The following NGFR variants were observed in gnomAD, a reference collection of about 807,000 sequenced individuals.
NGFR encodes the protein tumor necrosis factor receptor superfamily member 16.
In NGFR, 30 loss-of-function variants were observed where a neutral mutation model predicts 43.2. The observed-to-expected ratio is 0.69, with a 90% confidence interval of 0.52 to 0.94. The LOEUF is 0.94. NGFR is among the 40% of genes least tolerant of loss of function. The probability of loss-of-function intolerance (pLI) is 0.00; values close to 1 mark genes in which losing one functional copy is unlikely to be tolerated. For missense variants in NGFR, 529 were observed against 602.5 expected (o/e 0.88, Z 1.28); for synonymous variants, 246 against 259.6 (o/e 0.95, Z 0.50).
rs565214824 is a variant in NGFR at position 49,506,544 on chromosome 17, G to C, written c.454G>C (p.Gly152Arg). 1 of 1,611,654 alleles carries C rather than the reference G, an allele frequency of 6.2e-7. No homozygotes were observed. The highest frequency in any genetic ancestry group is 1.7e-5 in the Admixed American group (1 of 59,950). ...QNTVCEECPD[G>R]TYSDEANHVD... ...CACCGTGTGCGAGGAGTGCCCCGACGGCACGTATTCCGACGAGGCCAACCA... is the reference window on the plus strand; with the variant it reads ...CACCGTGTGCGAGGAGTGCCCCGACCGCACGTATTCCGACGAGGCCAACCA... Residue 152 changes from glycine to arginine, a missense_variant, in exon 3 of 6, where the codon GGC becomes CGC. By Grantham distance (125) the Gly-to-Arg change is moderately radical (BLOSUM62 -2). Transcript: ENST00000172229.
intron 1 of NGFR, 63 bp from the exon 2 acceptor site, chr17:49,502,000 A>AGGCCCCCCCACCC: frequency 3.8e-6 from 1 of 264,886 alleles, no homozygotes; most frequent in Non-Finnish European, 7.9e-6. Context: ...CCCCGGAAGA[A>AGGCCCCCCCACCC]CCCCCCCCAA....
chr17:49,499,449 C>G (rs1282616814), intron 1 of NGFR, among the ~76,000 whole-genome samples: 1 of 152,182 alleles, frequency 6.6e-6, no homozygotes, highest in Non-Finnish European at 1.5e-5. Context: ...GTCATCATTA[C>G]CTAATTATGA....
In NGFR at chr17:49,506,438, T is replaced by C. The variant is rs774079802; in HGVS notation, c.348T>C (p.Asp116=). 6.2e-6 allele frequency: 10 copies of C among 1,607,402 alleles called. No homozygotes were observed. The highest frequency in any genetic ancestry group is 8.5e-6 in the Non-Finnish European group (10 of 1,178,752). The change falls in exon 3 of 6, where the codon GAT becomes GAC. Residue 116 remains aspartate, a synonymous_variant. Transcript: ENST00000172229. ...VCRCAYGYYQ[D]ETTGRCEACR... ...GCTGCGCCTACGGCTACTACCAGGA[T>C]GAGACGACTGGGCGCTGCGAGGCGT...
chr17:49,512,716 G>A lies in NGFR; in HGVS notation c.991G>A (p.Gly331Ser), dbSNP rs770617145. Reference sequence around the variant, plus strand: ...CTCTGGTTTCTCTGCAGCCCTCAAGGGTGACGGAGGCCTCTACAGCAGCCT... The same window carrying A: ...CTCTGGTTTCTCTGCAGCCCTCAAGAGTGACGGAGGCCTCTACAGCAGCCT... The part of the protein sequence containing the change: ...TQTASGQALK[G>S]DGGLYSSLPP... The change falls in exon 6 of 6, where the codon GGT becomes AGT. Residue 331 changes from glycine (G) to serine (S), a missense_variant. Gly to Ser is a moderately conservative substitution (Grantham distance 56). Coordinates refer to ENST00000172229, the MANE Select transcript of NGFR (RefSeq NM_002507.4). The surrounding 1 kb of genome is among the most constrained non-coding windows in gnomAD (Gnocchi z 5.2). 10 of 1,599,390 alleles carry A rather than the reference G, an allele frequency of 6.3e-6. No individual in the cohort carries two copies. In the South Asian group the frequency reaches 1.1e-4, roughly 18 times the overall value.
In NGFR at chr17:49,510,395, G is replaced by T; in HGVS notation, c.569-17G>T. ...GTGGGGGAAGTGGGTCCTCACTCCTGTGGCCTTTTCTCCCAGAGATCCCTG... is the reference window on the plus strand; with the variant it reads ...GTGGGGGAAGTGGGTCCTCACTCCTTTGGCCTTTTCTCCCAGAGATCCCTG... On this transcript the variant is annotated splice_polypyrimidine_tract_variant and intron_variant, in intron 3 of 5. Transcript: ENST00000172229. 6.2e-7 allele frequency: 1 copy of T among 1,612,218 alleles called. No homozygotes were observed. The highest frequency in any genetic ancestry group is 8.5e-7 in the Non-Finnish European group (1 of 1,178,718).
chr17:49,505,216 C>A (rs2071189942), intron 2 of NGFR, among the ~76,000 whole-genome samples: 1 of 152,096 alleles, frequency 6.6e-6, no homozygotes, highest in Non-Finnish European at 1.5e-5. Flanking sequence ...CCCCTACAGG[C>A]CTCAGTTTCC....
rs766163201 is a variant in NGFR at position 49,512,978 on chromosome 17, G to A, written c.1253G>A (p.Cys418Tyr). Residue 418 changes from cysteine (C) to tyrosine (Y), a missense_variant, in exon 6 of 6, where the codon TGC becomes TAC. Coordinates refer to ENST00000172229, the MANE Select transcript of NGFR (RefSeq NM_002507.4). This position sits in a 1 kb window ranked among gnomAD's most constrained non-coding sequence, Gnocchi z 5.2. ...CGAGCCGACCTCGTGGAGAGTCTGT[G>A]CAGTGAGTCCACTGCCACATCCCCG... ...IQRADLVESL[C>Y]SESTATSPV is the part of the protein sequence containing the mutation. The A allele has an allele frequency of 6.3e-6, 10 of 1,596,690 alleles. No homozygotes were observed. In the Admixed American group the frequency reaches 1.7e-4, roughly 27 times the overall value.
At position 49,511,879 on chromosome 17, in the gene NGFR, C is replaced by A; in HGVS notation, c.822-13C>A. On this transcript the variant is annotated splice_polypyrimidine_tract_variant and intron_variant, in intron 4 of 5. Coordinates refer to ENST00000172229, the MANE Select transcript of NGFR (RefSeq NM_002507.4). ...CCTCGCCCCCTGAAACCTGGCCTGT[C>A]CTCTGGCTCCAGGTGGAACAGCTGC... 1 of 1,594,150 alleles carries A rather than the reference C, an allele frequency of 6.3e-7. No individual in the cohort carries two copies. The highest frequency in any genetic ancestry group is 1.3e-5 in the African/African-American group (1 of 74,582).
intron 4 of NGFR, chr17:49,510,970 A>C: frequency 5.5e-6 from 2 of 366,922 alleles, no homozygotes; most frequent in Non-Finnish European, 5.1e-6. Context: ...AACCTCCTTC[A>C]CCCCACAGTC....
At chr17:49,501,999 A>ATGGGGCCCCCCCCCCCCCCCCCCAC in intron 1 of NGFR, 64 bp from the exon 2 acceptor site, 1 of 330,984 alleles carries the variant, frequency 3.0e-6, no homozygotes, top group Non-Finnish European at 5.9e-6. Context: ...TCCCCGGAAG[A>ATGGGGCCCCCCCCCCCCCCCCCCAC]ACCCCCCCCA....
In NGFR at chr17:49,512,600, A is replaced by C; in HGVS notation, c.983-108A>C. On this transcript the variant is annotated intron_variant, in intron 5 of 5. Coordinates refer to ENST00000172229, the MANE Select transcript of NGFR (RefSeq NM_002507.4). This position sits in a 1 kb window ranked among gnomAD's most constrained non-coding sequence, Gnocchi z 5.2. ...GACCTTGTCTTGGCCCCAGGCCTCC[A>C]GATGGGGAGGAGCACTGCCTCGGCC... 7.2e-7 allele frequency: 1 copy of C among 1,381,918 alleles called. No homozygotes were observed. The highest frequency in any genetic ancestry group is 9.8e-7 in the Non-Finnish European group (1 of 1,017,806). The allele number at this position is 1,381,918 out of a possible 1,614,324, so 85.6% of individuals were successfully genotyped here. A position where few individuals can be genotyped will look rare whatever the true frequency, so the allele number is the denominator to read the frequency against.
intron 1 of NGFR, among the ~76,000 whole-genome samples, chr17:49,498,899 T>G (rs1186440350): frequency 6.6e-6 from 1 of 152,210 alleles, no homozygotes; most frequent in African/African-American, 2.4e-5. Context: ...GCCTGGGGTC[T>G]CCTTAAGATG....
At chr17:49,508,010 C>T (rs1212831702) in intron 3 of NGFR, among the ~76,000 whole-genome samples, 7 of 152,260 alleles carry the variant, frequency 4.6e-5, no homozygotes, top group Non-Finnish European at 1.0e-4. Flanking sequence ...CCTGCCATCT[C>T]TGGCTTTAGG....
At position 49,495,489 on chromosome 17, in the gene NGFR, T is replaced by G; in HGVS notation, c.66+6T>G. The G allele has an allele frequency of 8.1e-7, 1 of 1,235,776 alleles. No homozygotes were observed. Among genetic ancestry groups the G allele is most frequent in the East Asian group, 3.1e-5 (1 of 31,928 alleles). The allele number at this position is 1,235,776 out of a possible 1,614,324, so 76.6% of individuals were successfully genotyped here. On this transcript the variant is annotated splice_donor_region_variant and intron_variant, in intron 1 of 5. Transcript: ENST00000172229. The surrounding 1 kb of genome is among the most constrained non-coding windows in gnomAD (Gnocchi z 6.4). ...TGCTGTTGCTGCTTCTGGGGGTGAG[T>G]GTTAGCCGGAGGGGGCCCGCTCCCT... is the stretch of plus-strand genomic sequence containing the variant.
rs116693011 is a variant in NGFR at position 49,506,423 on chromosome 17, C to T, written c.333C>T (p.Tyr111=). Residue 111 remains tyrosine, a synonymous_variant, in exon 3 of 6, where the codon TAC becomes TAT. Transcript: ENST00000172229. ...ACGACGCCGTGTGCCGCTGCGCCTA[C>T]GGCTACTACCAGGATGAGACGACTG... ...EADDAVCRCA[Y]GYYQDETTGR... is the part of the protein sequence containing the mutation. The T allele has an allele frequency of 6.2e-4, 988 of 1,606,330 alleles. 8 individuals carry two copies. In the East Asian group the frequency reaches 0.019, roughly 30 times the overall value.
chr17:49,506,779 C>T, intron 3 of NGFR, 121 bp downstream of exon 3: 1 of 964,960 alleles, frequency 1.0e-6, no homozygotes, highest in Non-Finnish European at 1.5e-6. Flanking sequence ...GCTTGGTGAC[C>T]TTGAGGCAGC....
chr17:49,511,104 T>A (rs2071229299), intron 4 of NGFR: 1 of 149,414 alleles, frequency 6.7e-6, no homozygotes, highest in African/African-American at 2.6e-5. Context: ...AAATGCATTT[T>A]CCATTCTTTC....
Position 49,495,963 on chromosome 17 carries a change from C to G in NGFR, c.66+480C>G, listed in dbSNP as rs1317990789. On this transcript the variant is annotated intron_variant, in intron 1 of 5. Coordinates refer to ENST00000172229, the MANE Select transcript of NGFR (RefSeq NM_002507.4). This position sits in a 1 kb window ranked among gnomAD's most constrained non-coding sequence, Gnocchi z 6.4. ...GGCTGGGGCGGGGAGCCCGGGACGACGGGATGGAACAATGGAGGAGGTCGG... is the reference window on the plus strand; with the variant it reads ...GGCTGGGGCGGGGAGCCCGGGACGAGGGGATGGAACAATGGAGGAGGTCGG... The G allele has an allele frequency of 1.3e-5, 2 of 153,530 alleles. No homozygotes were observed. Among genetic ancestry groups the G allele is most frequent in the Admixed American group, 6.7e-5 (1 of 14,972 alleles). 9.5% of individuals were successfully genotyped at this position (153,530 alleles called of 1,614,324 possible).
intron 4 of NGFR, chr17:49,511,032 G>A (rs965139084): frequency 1.1e-5 from 2 of 185,428 alleles, no homozygotes; most frequent in Non-Finnish European, 1.1e-5. Context: ...TGGGAATGCT[G>A]TGGCACCCAC....
Sources: gnomAD v4.1 joint callset for allele counts (sites outside exome capture counted in the v4.1 genomes callset) on GRCh38, gnomAD v4.1.1 for gene constraint, Gnocchi (gnomAD v3.1) non-coding constraint, MANE v1.5 for transcripts, NCBI Gene and HGNC (gene_info 2026-07-23, HGNC 2026-07-21) for gene names.